CADM2: variants seen among roughly 807,000 people sequenced by gnomAD.
The protein encoded by CADM2 is cell adhesion molecule 2, also known as immunoglobulin superfamily member 4D.
A neutral mutation model predicts 49.8 loss-of-function variants in CADM2; 12 were observed. The ratio of observed to expected loss-of-function variants is 0.24; its 90% CI spans 0.15 to 0.39. The LOEUF is 0.39. Ranked by LOEUF, CADM2 falls within the 10% of genes least tolerant of loss-of-function variation. CADM2 has a pLI of 1.00. For synonymous variants in CADM2, 214 were observed against 175.4 expected (o/e 1.22, Z -1.74); for missense variants, 378 against 492.3 (o/e 0.77, Z 2.20).
At chr3:85,473,459 A>G (rs72909207) in intron 1 of CADM2, among the ~76,000 whole-genome samples, 3,156 of 152,154 alleles carry the variant, frequency 0.021, 101 homozygotes, top group African/African-American at 0.071. Context: ...AATCATCTGC[A>G]TAGTGATTAG....
In CADM2 at chr3:85,505,876, C is replaced by T. The variant is rs370423708; in HGVS notation, c.62-220646C>T. Among the ~76,000 whole-genome samples the T allele has an allele frequency of 3.3e-5, 5 of 152,002 alleles. No individual in the cohort carries two copies. In the East Asian group the frequency reaches 9.6e-4, roughly 29 times the overall value. On this transcript the variant is annotated intron_variant, in intron 1 of 9. Coordinates refer to ENST00000383699, the MANE Select transcript of CADM2 (RefSeq NM_001167675.2). ...GAAACATGTTTGGTATTTTTGCTTT[C>T]GGTTATTGTTTTTGGGTTTTTTTGG...
chr3:85,762,434 TC>T (rs1171809114), intron 2 of CADM2, among the ~76,000 whole-genome samples: 1 of 152,034 alleles, frequency 6.6e-6, no homozygotes, highest in Non-Finnish European at 1.5e-5. Context: ...TTTTTCCACC[TC>T]CCCTTTCTCT....
intron 2 of CADM2, among the ~76,000 whole-genome samples, chr3:85,757,537 G>A (rs562285267): frequency 1.3e-5 from 2 of 152,088 alleles, no homozygotes; most frequent in East Asian, 1.9e-4. Flanking sequence ...ATGAGATGGA[G>A]CATTTAAAAA....
At chr3:85,175,860 G>A (rs938343331) in intron 1 of CADM2, among the ~76,000 whole-genome samples, 3 of 149,794 alleles carry the variant, frequency 2.0e-5, no homozygotes, top group Admixed American at 1.3e-4. Context: ...AAAAATGTGC[G>A]TCACATCCAG....
chr3:84,981,515 C>A (rs1257123866), intron 1 of CADM2, among the ~76,000 whole-genome samples: 1 of 151,944 alleles, frequency 6.6e-6, no homozygotes, highest in African/African-American at 2.4e-5. Flanking sequence ...CATGTTAAAG[C>A]TACATTACTT....
intron 1 of CADM2, among the ~76,000 whole-genome samples, chr3:85,144,658 A>G (rs1449467837): frequency 6.7e-6 from 1 of 149,334 alleles, no homozygotes; most frequent in Non-Finnish European, 1.5e-5. Flanking sequence ...AAGATTTGTC[A>G]GATACTCAAT....
At chr3:85,897,241 CTTTTTTTTTTTTTTTTTTTTTTTTTTT>C in intron 5 of CADM2, among the ~76,000 whole-genome samples, 1 of 45,926 alleles carries the variant, frequency 2.2e-5, no homozygotes, top group East Asian at 7.1e-4. Context: ...TAACCTACAT[CTTTTTTTTTTTTTTTTTTTTTTTTTTT>C]TTTTTTTTTT....
intron 1 of CADM2, among the ~76,000 whole-genome samples, chr3:85,056,263 GT>G (rs1211589471): frequency 5.9e-5 from 9 of 152,060 alleles, no homozygotes; most frequent in Admixed American, 5.9e-4. Flanking sequence ...AGTGGACAGT[GT>G]GGGGCAGTAG....
At chr3:85,135,403 T>A (rs2039385806) in intron 1 of CADM2, among the ~76,000 whole-genome samples, 1 of 152,102 alleles carries the variant, frequency 6.6e-6, no homozygotes, top group Admixed American at 6.6e-5. Flanking sequence ...TTCGGTTTGC[T>A]TTTCTATTGG....
chr3:84,974,156 A>T (rs2031656392), intron 1 of CADM2, among the ~76,000 whole-genome samples: 1 of 151,950 alleles, frequency 6.6e-6, no homozygotes, highest in Non-Finnish European at 1.5e-5. Flanking sequence ...TTTGAATATT[A>T]CTATTTATTG....
At chr3:85,267,104 T>C (rs557043223) in intron 1 of CADM2, among the ~76,000 whole-genome samples, 1 of 151,244 alleles carries the variant, frequency 6.6e-6, no homozygotes, top group South Asian at 2.1e-4. Context: ...ATCTTCATTC[T>C]AAATTCTGTA....
At chr3:85,373,851 C>A (rs1417961435) in intron 1 of CADM2, among the ~76,000 whole-genome samples, 1 of 152,162 alleles carries the variant, frequency 6.6e-6, no homozygotes, top group African/African-American at 2.4e-5. Context: ...CACAGAGAAC[C>A]AAGTCCCCAG....
intron 5 of CADM2, among the ~76,000 whole-genome samples, chr3:85,900,505 A>T (rs1715967771): frequency 6.6e-6 from 1 of 152,192 alleles, no homozygotes; most frequent in South Asian, 2.1e-4. Context: ...AAATTTCGGT[A>T]TGTATATCAT....
At chr3:85,340,483 A>G (rs1391527959) in intron 1 of CADM2, among the ~76,000 whole-genome samples, 2 of 151,636 alleles carry the variant, frequency 1.3e-5, no homozygotes, top group African/African-American at 4.8e-5. Flanking sequence ...ATACATATAT[A>G]TGTGCATTAT....
At chr3:85,789,282 ATTTCT>A in intron 2 of CADM2, among the ~76,000 whole-genome samples, 1 of 152,256 alleles carries the variant, frequency 6.6e-6, no homozygotes, top group East Asian at 1.9e-4. Flanking sequence ...GTGGTCATAA[ATTTCT>A]TTTCTCTGGA....
At chr3:84,978,116 T>A (rs1181509751) in intron 1 of CADM2, among the ~76,000 whole-genome samples, 4 of 152,138 alleles carry the variant, frequency 2.6e-5, no homozygotes, top group Admixed American at 2.6e-4. Context: ...GAAATTAATA[T>A]AAATGTGCTA....
intron 1 of CADM2, among the ~76,000 whole-genome samples, chr3:85,068,920 T>C (rs770354335): frequency 1.3e-5 from 2 of 152,168 alleles, no homozygotes; most frequent in Non-Finnish European, 2.9e-5. Flanking sequence ...TAAGCTGGAC[T>C]GAAGCCAGTG....
At chr3:85,251,270 CT>C (rs567351719) in intron 1 of CADM2, among the ~76,000 whole-genome samples, 1 of 151,916 alleles carries the variant, frequency 6.6e-6, no homozygotes, top group South Asian at 2.1e-4. Context: ...CTTCTCTAAA[CT>C]TTTCATTCTT....
chr3:86,003,882 A>C (rs1730468237), intron 8 of CADM2, among the ~76,000 whole-genome samples: 2 of 152,180 alleles, frequency 1.3e-5, no homozygotes, highest in Admixed American at 1.3e-4. Context: ...TATGTAGAAA[A>C]AATTGCGGAC....
Sources: allele counts gnomAD v4.1 joint callset (sites outside exome capture counted in the v4.1 genomes callset), GRCh38; gene constraint gnomAD v4.1.1; transcripts MANE v1.5; gene names NCBI Gene and HGNC (gene_info 2026-07-23, HGNC 2026-07-21).